ACADM: variants seen among roughly 807,000 people sequenced by gnomAD.
ACADM encodes acyl-CoA dehydrogenase medium chain.
Under a neutral mutation model 58.9 loss-of-function variants are expected in ACADM, and 49 were observed. The observed-to-expected ratio is 0.83, with a 90% CI of 0.66 to 1.06. The LOEUF (loss-of-function observed/expected upper bound fraction) is 1.06. Ranked by LOEUF, ACADM falls within the 50% of genes least tolerant of loss-of-function variation. ACADM has a pLI of 0.00. For missense variants in ACADM, 496 were observed against 507.0 expected, an observed-to-expected ratio of 0.98 and a Z score of 0.21; for synonymous variants, 160 against 157.7, an observed-to-expected ratio of 1.01 and a Z score of -0.11.
At chr1:75,748,476 A>C (rs934015577) in intron 8 of ACADM, among the ~76,000 whole-genome samples, 1 of 152,208 alleles carries the variant, frequency 6.6e-6, no homozygotes, top group Non-Finnish European at 1.5e-5. Flanking sequence ...AAAGGAGGGG[A>C]GTATCCGTCA....
chr1:75,738,993 C>T (rs1244789758), intron 6 of ACADM, among the ~76,000 whole-genome samples: 1 of 152,128 alleles, frequency 6.6e-6, no homozygotes, highest in Non-Finnish European at 1.5e-5. Flanking sequence ...CATTTCCTTC[C>T]TTTCTTTCCA....
At chr1:75,754,063 T>A (rs1648360757) in intron 10 of ACADM, among the ~76,000 whole-genome samples, 1 of 151,408 alleles carries the variant, frequency 6.6e-6, no homozygotes, top group African/African-American at 2.4e-5. Context: ...CCCAAAGTGC[T>A]GGGATTACAG....
At chr1:75,735,785 T>C (rs568303396) in intron 6 of ACADM, among the ~76,000 whole-genome samples, 24 of 149,906 alleles carry the variant, frequency 1.6e-4, no homozygotes, top group African/African-American at 5.2e-4. Flanking sequence ...CAGAGGTTGC[T>C]GAGTAAAGAT....
rs371453949 is a variant in ACADM, at chr1:75,747,699, A to T, written c.709-1720A>T. Among the ~76,000 whole-genome samples, 5 of 152,302 alleles carry T rather than the reference A, an allele frequency of 3.3e-5. No homozygotes were observed. The East Asian group carries it at 5.8e-4, about 18-fold the overall frequency. ...CTACTTGGAAGGCTGAAGTGGGAGG[A>T]TCACCTAAGCCCAGGAAGTCAAGGC... On this transcript the variant is annotated intron_variant, in intron 8 of 11. Coordinates refer to ENST00000370841, the MANE Select transcript of ACADM (RefSeq NM_000016.6).
intron 2 of ACADM, among the ~76,000 whole-genome samples, chr1:75,729,295 CTTTTTTT>C (rs35372302): frequency 9.4e-5 from 8 of 85,354 alleles, no homozygotes; most frequent in South Asian, 8.0e-4. Context: ...TTTCTTTTTT[CTTTTTTT>C]TTTTTTTTTT....
chr1:75,738,205 C>T (rs1348633006), intron 6 of ACADM, among the ~76,000 whole-genome samples: 2 of 149,814 alleles, frequency 1.3e-5, no homozygotes, highest in Non-Finnish European at 3.0e-5. Context: ...TGTGAGCCAC[C>T]ATGCCCAGCC....
chr1:75,727,332 A>G (rs569198953), intron 1 of ACADM, among the ~76,000 whole-genome samples: 21 of 152,362 alleles, frequency 1.4e-4, no homozygotes, highest in African/African-American at 4.8e-4. Flanking sequence ...TTTGAAAAAC[A>G]TAAGAATTTA....
chr1:75,744,441 C>G (rs1406205112), intron 7 of ACADM: 1 of 1,514,790 alleles, frequency 6.6e-7, no homozygotes, highest in African/African-American at 1.4e-5. Context: ...GAACCTGCAC[C>G]AATGTCTTGT....
intron 2 of ACADM, among the ~76,000 whole-genome samples, chr1:75,729,295 C>CTTTTTTTTTTTTTTT (rs35372302): frequency 3.5e-5 from 3 of 85,326 alleles, no homozygotes; most frequent in African/African-American, 1.0e-4. Context: ...TTTCTTTTTT[C>CTTTTTTTTTTTTTTT]TTTTTTTTTT....
chr1:75,747,694 G>GA (rs1369674698), intron 8 of ACADM, among the ~76,000 whole-genome samples: 2 of 152,224 alleles, frequency 1.3e-5, no homozygotes, highest in Non-Finnish European at 2.9e-5. Context: ...GGCTGAAGTG[G>GA]GAGGATCACC....
intron 6 of ACADM, 43 bp from the exon 7 acceptor site, chr1:75,739,937 C>A: frequency 2.1e-6 from 3 of 1,443,196 alleles, no homozygotes; most frequent in South Asian, 1.3e-5. Context: ...AAAATTTAAT[C>A]ACTAACATTT....
At position 75,762,741 on chromosome 1, in the gene ACADM, A is replaced by C; in HGVS notation, c.1244A>C (p.His415Pro). The C allele has an allele frequency of 6.2e-7, 1 of 1,606,186 alleles. No homozygotes were observed. Among genetic ancestry groups the C allele is most frequent in the Non-Finnish European group, 8.5e-7 (1 of 1,173,532 alleles). The change falls in exon 12 of 12, where the codon CAC (histidine) becomes CCC (proline). Residue 415 changes from histidine to proline, a missense_variant. Physicochemically the swap from His to Pro is moderately conservative, Grantham distance 77. Transcript: ENST00000370841. ...QIQRLIVARE[H>P]IDKYKN ...CAAAGACTTATTGTAGCCCGTGAAC[A>C]CATTGACAAGTACAAAAATTAAAAA...
intron 7 of ACADM, chr1:75,745,458 C>T: frequency 4.0e-6 from 1 of 248,782 alleles, no homozygotes; most frequent in Non-Finnish European, 7.9e-6. Flanking sequence ...TGTACTCCAG[C>T]CTGCGCAACA....
intron 8 of ACADM, among the ~76,000 whole-genome samples, chr1:75,746,598 A>ATTTT (rs769123360): frequency 1.4e-5 from 2 of 140,450 alleles, no homozygotes; most frequent in African/African-American, 2.6e-5. Context: ...CAATAAAGTA[A>ATTTT]TTTTTTTTTT....
At chr1:75,752,706 C>A (rs932312645) in intron 10 of ACADM, among the ~76,000 whole-genome samples, 2 of 152,018 alleles carry the variant, frequency 1.3e-5, no homozygotes, top group African/African-American at 4.8e-5. Flanking sequence ...TGTAAAAATT[C>A]TTCATTTATA....
At chr1:75,728,564 G>A in intron 2 of ACADM, 76 bp downstream of exon 2, 1 of 1,127,704 alleles carries the variant, frequency 8.9e-7, no homozygotes. Context: ...GAATATGTTT[G>A]TAAATAAACT....
chr1:75,725,056 T>C (rs567811108), intron 1 of ACADM, among the ~76,000 whole-genome samples: 1 of 152,286 alleles, frequency 6.6e-6, no homozygotes, highest in South Asian at 2.1e-4. Flanking sequence ...GCATCCTCTC[T>C]TTAGAATATC....
chr1:75,724,820 G>T lies in ACADM; in HGVS notation c.30+3G>T. 1 of 1,496,496 alleles carries T rather than the reference G, an allele frequency of 6.7e-7. No individual in the cohort carries two copies. The highest frequency in any genetic ancestry group is 1.4e-5 in the African/African-American group (1 of 69,360). The allele number at this position is 1,496,496 out of a possible 1,614,324, so 92.7% of individuals were successfully genotyped here. A position where few individuals can be genotyped will look rare whatever the true frequency, so the allele number is the denominator to read the frequency against. ...CGGGGTTCGGGCGATGCTGCAGGGT[G>T]AGAGGGAGCCCAGCGGTGCGGTGGG... On this transcript the variant is annotated splice_donor_region_variant and intron_variant, in intron 1 of 11. Coordinates refer to ENST00000370841, the MANE Select transcript of ACADM (RefSeq NM_000016.6).
At chr1:75,745,099 T>C (rs1336173290) in intron 7 of ACADM, among the ~76,000 whole-genome samples, 3 of 152,216 alleles carry the variant, frequency 2.0e-5, no homozygotes, top group Non-Finnish European at 4.4e-5. Context: ...CCTACACATA[T>C]ATACTTATTA....
Sources: allele counts gnomAD v4.1 joint callset (sites outside exome capture counted in the v4.1 genomes callset), GRCh38; gene constraint gnomAD v4.1.1; transcripts MANE v1.5; gene names NCBI Gene and HGNC (gene_info 2026-07-23, HGNC 2026-07-21).